EPHB1: variants seen among roughly 807,000 people sequenced by gnomAD.
EPHB1 encodes the protein ephrin type-B receptor 1.
EPHB1 carries 30 observed loss-of-function variants against 94.4 expected under a neutral mutation model. The ratio of observed to expected loss-of-function variants is 0.32; its 90% confidence interval spans 0.24 to 0.43. The LOEUF (loss-of-function observed/expected upper bound fraction) is 0.43. EPHB1 is among the 20% of genes least tolerant of loss of function. EPHB1 has a pLI of 1.00. For missense variants in EPHB1, 1,055 were observed against 1,308.3 expected, an observed-to-expected ratio of 0.81 and a Z score of 2.99; for synonymous variants, 522 against 489.1, an observed-to-expected ratio of 1.07 and a Z score of -0.89.
intron 3 of EPHB1, among the ~76,000 whole-genome samples, chr3:135,071,814 A>G (rs112861649): frequency 6.6e-6 from 1 of 152,176 alleles, no homozygotes; most frequent in African/African-American, 2.4e-5. Context: ...ATCTGAGTGC[A>G]TCCCACACTG....
chr3:135,109,950 AG>A (rs1210270361), intron 4 of EPHB1, among the ~76,000 whole-genome samples: 8 of 152,240 alleles, frequency 5.3e-5, no homozygotes, highest in Non-Finnish European at 1.2e-4. Flanking sequence ...AGCCGGGCAG[AG>A]GGACAGCCAG....
chr3:135,060,034 A>G (rs1937449393), intron 3 of EPHB1, among the ~76,000 whole-genome samples: 1 of 152,240 alleles, frequency 6.6e-6, no homozygotes, highest in African/African-American at 2.4e-5. Context: ...AACAGACAAT[A>G]TTGAAATATA....
intron 1 of EPHB1, among the ~76,000 whole-genome samples, chr3:134,840,968 G>T (rs2036765131): frequency 6.6e-6 from 1 of 152,200 alleles, no homozygotes; most frequent in Admixed American, 6.5e-5. Context: ...AACAATGCAG[G>T]TGTTATTAAG....
chr3:134,982,975 A>G (rs1490632355), intron 3 of EPHB1, among the ~76,000 whole-genome samples: 1 of 152,230 alleles, frequency 6.6e-6, no homozygotes, highest in African/African-American at 2.4e-5. Context: ...TTTGTTTTCC[A>G]CGATTACTCT....
intron 3 of EPHB1, among the ~76,000 whole-genome samples, chr3:134,963,385 C>T (rs1434583433): frequency 6.6e-6 from 1 of 152,166 alleles, no homozygotes; most frequent in Non-Finnish European, 1.5e-5. Context: ...GCTAGGAGAG[C>T]AGCTTATGCA....
At chr3:134,906,149 G>A (rs1418406081) in intron 1 of EPHB1, among the ~76,000 whole-genome samples, 1 of 152,154 alleles carries the variant, frequency 6.6e-6, no homozygotes, top group Non-Finnish European at 1.5e-5. Context: ...GGCAAATGAG[G>A]CCTGTGTTCC....
At chr3:134,825,590 G>A (rs1383491094) in intron 1 of EPHB1, among the ~76,000 whole-genome samples, 4 of 152,124 alleles carry the variant, frequency 2.6e-5, no homozygotes, top group African/African-American at 4.8e-5. Context: ...TTCTCCATAT[G>A]GTCCATTTCA....
At chr3:134,978,984 G>A (rs955701619) in intron 3 of EPHB1, among the ~76,000 whole-genome samples, 6 of 152,186 alleles carry the variant, frequency 3.9e-5, no homozygotes, top group Admixed American at 2.0e-4. Context: ...CCTCATGGAG[G>A]GTGGGGCCAG....
chr3:135,025,199 ATATTTATT>A (rs1205551708), intron 3 of EPHB1, among the ~76,000 whole-genome samples: 2 of 114,484 alleles, frequency 1.7e-5, no homozygotes, highest in African/African-American at 5.8e-5. Flanking sequence ...GTTACAAAGA[ATATTTATT>A]TATTTATTTA....
chr3:134,957,433 A>G (rs1933320541), intron 3 of EPHB1, among the ~76,000 whole-genome samples: 1 of 152,140 alleles, frequency 6.6e-6, no homozygotes, highest in Non-Finnish European at 1.5e-5. Flanking sequence ...GGGAGAGGGG[A>G]CTGCAGGAGC....
intron 1 of EPHB1, among the ~76,000 whole-genome samples, chr3:134,897,603 T>G (rs1203879725): frequency 6.6e-6 from 1 of 152,230 alleles, no homozygotes; most frequent in Non-Finnish European, 1.5e-5. Flanking sequence ...CAGCCTCCCC[T>G]GACCACCCAC....
chr3:134,863,789 G>A (rs145672919), intron 1 of EPHB1, among the ~76,000 whole-genome samples: 1 of 152,324 alleles, frequency 6.6e-6, no homozygotes, highest in Non-Finnish European at 1.5e-5. Context: ...ATAAAGTGGA[G>A]CTCAGGAAAG....
chr3:135,063,373 C>G (rs1387069377), intron 3 of EPHB1, among the ~76,000 whole-genome samples: 1 of 151,960 alleles, frequency 6.6e-6, no homozygotes, highest in African/African-American at 2.4e-5. Flanking sequence ...CAGCAGTGTT[C>G]TGTTGTTTTC....
chr3:135,137,326 T>C (rs900599843), intron 5 of EPHB1, among the ~76,000 whole-genome samples: 22 of 152,214 alleles, frequency 1.4e-4, no homozygotes, highest in African/African-American at 4.3e-4. Flanking sequence ...CACTGCCTGA[T>C]TTTATAAGCT....
intron 1 of EPHB1, among the ~76,000 whole-genome samples, chr3:134,880,648 G>T (rs1209819487): frequency 6.6e-6 from 1 of 152,196 alleles, no homozygotes; most frequent in Non-Finnish European, 1.5e-5. Context: ...AGACAGCTGG[G>T]CTCATACCAC....
chr3:134,866,797 C>T (rs527552566), intron 1 of EPHB1, among the ~76,000 whole-genome samples: 67 of 152,316 alleles, frequency 4.4e-4, no homozygotes, highest in South Asian at 1.2e-3. Flanking sequence ...AGGCACATAT[C>T]CTAGGCTCCC....
intron 12 of EPHB1, among the ~76,000 whole-genome samples, chr3:135,233,571 G>A (rs911010220): frequency 6.6e-6 from 1 of 152,202 alleles, no homozygotes. Flanking sequence ...TACCATTCTA[G>A]GGTCTGGAGG....
At chr3:135,221,523 A>G (rs1324696827) in intron 12 of EPHB1, among the ~76,000 whole-genome samples, 2 of 152,158 alleles carry the variant, frequency 1.3e-5, no homozygotes. Flanking sequence ...ATCATTTAGC[A>G]TAATAAGTCC....
intron 3 of EPHB1, among the ~76,000 whole-genome samples, chr3:135,044,136 G>A (rs58087362): frequency 0.094 from 14,375 of 152,248 alleles, 1,183 homozygotes; most frequent in African/African-American, 0.22. Flanking sequence ...ATTTGCCTCT[G>A]TTTATTGCAG....
Sources: allele counts gnomAD v4.1 joint callset (sites outside exome capture counted in the v4.1 genomes callset), GRCh38; gene constraint gnomAD v4.1.1; transcripts MANE v1.5; gene names NCBI Gene and HGNC (gene_info 2026-07-23, HGNC 2026-07-21).